PLCE1: variants seen among roughly 807,000 people sequenced by gnomAD.
PLCE1 encodes the protein phospholipase C epsilon 1.
In PLCE1, 119 loss-of-function variants were observed where a neutral mutation model predicts 242.8. That is an observed-to-expected ratio of 0.49 (90% confidence interval 0.42 to 0.57). The LOEUF (loss-of-function observed/expected upper bound fraction) is 0.57. Ranked by LOEUF, PLCE1 falls within the 20% of genes least tolerant of loss-of-function variation. PLCE1 has a pLI of 0.00. For synonymous variants in PLCE1, 945 were observed against 1,017.4 expected, an observed-to-expected ratio of 0.93 and a Z score of 1.35; for missense variants, 2,441 against 2,788.8, an observed-to-expected ratio of 0.88 and a Z score of 2.81.
intron 2 of PLCE1, among the ~76,000 whole-genome samples, chr10:94,101,265 AG>A (rs1376765270): frequency 6.6e-6 from 1 of 152,210 alleles, no homozygotes; most frequent in Non-Finnish European, 1.5e-5. Flanking sequence ...GAATGAAATG[AG>A]GACTTAATGA....
At chr10:94,235,008 A>C (rs905069281) in intron 6 of PLCE1, among the ~76,000 whole-genome samples, 5 of 151,976 alleles carry the variant, frequency 3.3e-5, no homozygotes, top group Non-Finnish European at 7.4e-5. Context: ...ACCGGGGACC[A>C]AACCCAAATC....
chr10:94,166,250 C>G (rs1240352938), intron 3 of PLCE1, among the ~76,000 whole-genome samples: 3 of 152,092 alleles, frequency 2.0e-5, no homozygotes, highest in Admixed American at 2.0e-4. Context: ...ATTTACCTCA[C>G]TTGGTCTATA....
chr10:94,200,488 C>T (rs1271510867), intron 4 of PLCE1, among the ~76,000 whole-genome samples: 1 of 152,132 alleles, frequency 6.6e-6, no homozygotes, highest in African/African-American at 2.4e-5. Flanking sequence ...AATAAATATT[C>T]TTGACTCTAT....
chr10:94,044,811 C>T (rs1393747655), intron 2 of PLCE1, among the ~76,000 whole-genome samples: 1 of 145,988 alleles, frequency 6.8e-6, no homozygotes, highest in Non-Finnish European at 1.6e-5. Context: ...CCCAAAACTT[C>T]GATTTTTTTT....
In PLCE1 at chr10:94,316,590, AT is replaced by A; in HGVS notation, c.6182del (p.Leu2061Ter). The A allele has an allele frequency of 6.2e-7, 1 of 1,609,632 alleles. No homozygotes were observed. The highest frequency in any genetic ancestry group is 8.5e-7 in the Non-Finnish European group (1 of 1,176,858). ...EQDIKPVTTD[Y>X]FLMEEKYFIS... The stretch of plus-strand genomic sequence containing the variant: ...GACATCAAACCTGTTACCACAGACT[AT>A]TTTTTGATGGAAGAAAAATATTTTA... On this transcript the variant is annotated frameshift_variant, in exon 29 of 33. Coordinates refer to ENST00000371380, the MANE Select transcript of PLCE1 (RefSeq NM_016341.4). LOFTEE classifies it high-confidence loss of function.
chr10:94,212,797 T>G (rs534289195), intron 4 of PLCE1, among the ~76,000 whole-genome samples: 1 of 152,356 alleles, frequency 6.6e-6, no homozygotes, highest in South Asian at 2.1e-4. Context: ...TCTGTTTCTG[T>G]CTGGGGTCTT....
At chr10:94,318,625 C>T (rs2133822438) in intron 29 of PLCE1, among the ~76,000 whole-genome samples, 1 of 152,276 alleles carries the variant, frequency 6.6e-6, no homozygotes, top group Non-Finnish European at 1.5e-5. Context: ...TTGTGGATCA[C>T]CCACACTCAG....
At position 94,308,475 on chromosome 10, in the gene PLCE1, C is replaced by T. The variant is rs2053278219; in HGVS notation, c.5885-106C>T. 6.1e-6 allele frequency: 5 copies of T among 824,046 alleles called. No individual in the cohort carries two copies. In the East Asian group the frequency reaches 1.2e-4, roughly 20 times the overall value. The allele number at this position is 824,046 out of a possible 1,614,324, so 51.0% of individuals were successfully genotyped here. On this transcript the variant is annotated intron_variant, in intron 26 of 32. Coordinates refer to ENST00000371380, the MANE Select transcript of PLCE1 (RefSeq NM_016341.4). ...TGTTGGTTGCATGCCTGTTGCCATC[C>T]CTGCCCATTTTAAGGTCTTTCTACC...
chr10:94,325,001 C>T lies in PLCE1; in HGVS notation c.6830C>T (p.Thr2277Ile), dbSNP rs778177096. ...CTTACATCACCTTCTCAGCTCTTGA[C>T]CTCAGAAAGTATCCAAACCAAGGAG... Reference protein sequence around the residue: ...RGLTSPSQLLTSESIQTKEEK... With the variant: ...RGLTSPSQLLISESIQTKEEK... Residue 2277 changes from threonine (T) to isoleucine (I), a missense_variant, in exon 32 of 33, where the codon ACC becomes ATC. Physicochemically the swap from Thr to Ile is moderately conservative, Grantham distance 89. Transcript: ENST00000371380. 6.2e-7 allele frequency: 1 copy of T among 1,614,116 alleles called. No individual in the cohort carries two copies. Among genetic ancestry groups the T allele is most frequent in the South Asian group, 1.1e-5 (1 of 91,082 alleles).
At chr10:94,171,527 T>C (rs1396310082) in intron 4 of PLCE1, 31 bp downstream of exon 4, 6 of 1,543,558 alleles carry the variant, frequency 3.9e-6, no homozygotes, top group Non-Finnish European at 5.4e-6. Context: ...GTCTTGGTAT[T>C]TGACTCACCC....
Position 94,234,106 on chromosome 10 carries a change from A to C in PLCE1, c.2008A>C (p.Thr670Pro), listed in dbSNP as rs2050236802. Residue 670 changes from threonine to proline, a missense_variant, in exon 6 of 33, where the codon ACC (threonine) becomes CCC (proline). This residue lies in a region of PLCE1 where 733 missense variants were observed against 754.2 expected (regional missense o/e 0.97). Transcript: ENST00000371380. ...WQFMDQSDIE[T>P]MRSLKDAMAQ... The stretch of plus-strand genomic sequence containing the variant: ...GTTCATGGACCAGTCTGATATTGAG[A>C]CCATGAGGAGCCTGAAGGATGCTAT... 1 of 1,613,796 alleles carries C rather than the reference A, an allele frequency of 6.2e-7. No individual in the cohort carries two copies. The highest frequency in any genetic ancestry group is 8.5e-7 in the Non-Finnish European group (1 of 1,179,658).
chr10:94,257,461 AC>A (rs1421232590), intron 11 of PLCE1, among the ~76,000 whole-genome samples: 2 of 152,206 alleles, frequency 1.3e-5, no homozygotes, highest in African/African-American at 4.8e-5. Context: ...CTATAAAGAC[AC>A]ATGTACACGT....
rs1292092235 is a variant in PLCE1, at chr10:94,233,997, T to A, written c.1956-57T>A. The A allele has an allele frequency of 1.3e-5, 19 of 1,465,318 alleles. No individual in the cohort carries two copies. The East Asian group carries it at 4.2e-4, about 32-fold the overall frequency. 90.8% of individuals were successfully genotyped at this position (1,465,318 alleles called of 1,614,324 possible). ...GAATTTGTATGGAATTTAGGCTCCT[T>A]GCTGTAAACTATATTATTTCTCCTT... is the stretch of plus-strand genomic sequence containing the variant. On this transcript the variant is annotated intron_variant, in intron 5 of 32. Transcript: ENST00000371380.
rs569852847 is a variant in PLCE1 at position 94,267,105 on chromosome 10, A to G, written c.4281+1147A>G. Among the ~76,000 whole-genome samples, 6 of 152,340 alleles carry G rather than the reference A, an allele frequency of 3.9e-5. No homozygotes were observed. The East Asian group carries it at 1.2e-3, about 29-fold the overall frequency. ...GTTTGAAATCCATTATTCTATAGGA[A>G]TGAAATTAAATATACATATAAATAC... On this transcript the variant is annotated intron_variant, in intron 16 of 32. Coordinates refer to ENST00000371380, the MANE Select transcript of PLCE1 (RefSeq NM_016341.4).
intron 1 of PLCE1, among the ~76,000 whole-genome samples, chr10:93,998,001 G>C (rs180800380): frequency 6.6e-6 from 1 of 152,222 alleles, no homozygotes. Context: ...TGTTACAGGC[G>C]AGGGCCATTT....
intron 2 of PLCE1, among the ~76,000 whole-genome samples, chr10:94,059,412 T>A (rs1165938895): frequency 2.0e-5 from 3 of 152,036 alleles, no homozygotes; most frequent in African/African-American, 7.3e-5. Flanking sequence ...TAAGGTCTGA[T>A]TGTTGAGGGA....
chr10:94,211,746 T>C (rs2049336886), intron 4 of PLCE1, among the ~76,000 whole-genome samples: 1 of 152,184 alleles, frequency 6.6e-6, no homozygotes, highest in African/African-American at 2.4e-5. Context: ...TATAAAATCC[T>C]ATGCTGCTGT....
chr10:94,233,500 A>G (rs1308029252), intron 5 of PLCE1, among the ~76,000 whole-genome samples: 6 of 152,168 alleles, frequency 3.9e-5, no homozygotes, highest in Non-Finnish European at 7.3e-5. Context: ...TCAAACCTAC[A>G]TTCAGTGCCC....
At chr10:94,226,253 A>C (rs2049933675) in intron 4 of PLCE1, among the ~76,000 whole-genome samples, 1 of 152,252 alleles carries the variant, frequency 6.6e-6, no homozygotes, top group Admixed American at 6.5e-5. Context: ...ACATTAGAAT[A>C]ACTTTAAGCC....
Sources: gnomAD v4.1 joint callset for allele counts (sites outside exome capture counted in the v4.1 genomes callset) on GRCh38, gnomAD v4.1.1 for gene constraint, gnomAD v4.1.1 regional missense constraint, MANE v1.5 for transcripts, NCBI Gene and HGNC (gene_info 2026-07-23, HGNC 2026-07-21) for gene names.